Variants in FAAH2 observed in about 807,000 individuals in gnomAD.
FAAH2 encodes the protein fatty-acid amide hydrolase 2.
A neutral mutation model predicts 36.9 loss-of-function variants in FAAH2; 60 were observed. The observed-to-expected ratio is 1.63, with a 90% CI of 1.32 to 2.02. The LOEUF (loss-of-function observed/expected upper bound fraction) is 2.02, where lower values mean the gene tolerates loss of function less well. Among genes scored for constraint, FAAH2 ranks in the 30% most tolerant of loss-of-function variants. The pLI, the probability that FAAH2 is intolerant of heterozygous loss-of-function variation, is 0.00. For missense variants in FAAH2, 689 were observed against 397.5 expected, an observed-to-expected ratio of 1.73 and a Z score of -6.23; for synonymous variants, 214 against 143.8, an observed-to-expected ratio of 1.49 and a Z score of -3.49.
the FAAH2 span, among the ~76,000 whole-genome samples, chrX:57,219,440 C>G: frequency 1.8e-5 from 2 of 111,853 alleles, no homozygotes; most frequent in Non-Finnish European, 3.8e-5. Flanking sequence ...AGCCTCCAGT[C>G]GCCTCTCTGT....
intron 7 of FAAH2, among the ~76,000 whole-genome samples, chrX:57,403,221 A>G (rs2055482488): frequency 8.9e-6 from 1 of 111,974 alleles, no homozygotes; most frequent in Non-Finnish European, 1.9e-5. Flanking sequence ...AAACATAGGG[A>G]CGCCAGCACC....
At chrX:57,322,650 C>T (rs1241314976) in intron 3 of FAAH2, among the ~76,000 whole-genome samples, 1 of 110,689 alleles carries the variant, frequency 9.0e-6, no homozygotes, top group South Asian at 3.8e-4. Context: ...GTTCTAGATT[C>T]GGTCTCTTTA....
At chrX:57,288,338 C>CTTTTTTTTTTTTTTTTTTTTTT (rs771871081) in intron 1 of FAAH2, among the ~76,000 whole-genome samples, 1 of 40,349 alleles carries the variant, frequency 2.5e-5, no homozygotes, top group African/African-American at 1.4e-4. Flanking sequence ...AAAAACATTT[C>CTTTTTTTTTTTTTTTTTTTTTT]TTTTTTTTTT....
At chrX:57,406,210 G>T (rs140581291) in intron 7 of FAAH2, among the ~76,000 whole-genome samples, 37 of 112,001 alleles carry the variant, frequency 3.3e-4, no homozygotes, top group Non-Finnish European at 5.5e-4. Context: ...GAGTTCTTTG[G>T]CTATATATAA....
intron 7 of FAAH2, among the ~76,000 whole-genome samples, chrX:57,383,779 T>C (rs764202896): frequency 8.9e-5 from 10 of 112,036 alleles, no homozygotes; most frequent in South Asian, 3.7e-4. Flanking sequence ...ATGCCATCCC[T>C]ATCAAGCTAC....
At chrX:57,329,936 C>T (rs1018923674) in intron 3 of FAAH2, among the ~76,000 whole-genome samples, 20 of 112,087 alleles carry the variant, frequency 1.8e-4, no homozygotes, top group African/African-American at 5.8e-4. Flanking sequence ...AATCAATACC[C>T]TTATGATTTC....
At chrX:57,485,015 T>C (rs2057448604) in intron 10 of FAAH2, among the ~76,000 whole-genome samples, 1 of 111,380 alleles carries the variant, frequency 9.0e-6, no homozygotes, top group Admixed American at 9.5e-5. Context: ...AACTGGCCTG[T>C]GGTTATTGGG....
chrX:57,417,824 G>A (rs1341371391), intron 7 of FAAH2, among the ~76,000 whole-genome samples: 3 of 111,880 alleles, frequency 2.7e-5, no homozygotes, highest in Admixed American at 1.9e-4. Context: ...CTGAAGCTGG[G>A]CCCACAGCCG....
rs545820442 is a variant in FAAH2, at chrX:57,440,809, G to A, written c.1117-6119G>A. 1.2e-4 allele frequency among the ~76,000 whole-genome samples: 13 copies of A among 111,727 alleles called. No individual in the cohort carries two copies. The South Asian group carries it at 4.8e-3, about 42-fold the overall frequency. On this transcript the variant is annotated intron_variant, in intron 8 of 10. Coordinates refer to ENST00000374900, the MANE Select transcript of FAAH2 (RefSeq NM_174912.4). The stretch of plus-strand genomic sequence containing the variant: ...CTACTTTATGGAGGGTTTTTAGCAT[G>A]AAGGGCTGTTGAATTTTGTCAATGG...
At chrX:57,200,277 TG>T in the FAAH2 span, among the ~76,000 whole-genome samples, 2 of 110,691 alleles carry the variant, frequency 1.8e-5, no homozygotes, top group East Asian at 5.6e-4. Flanking sequence ...ACAATAGGCT[TG>T]CAAATAATGT....
chrX:57,430,369 G>T (rs2056265931), intron 7 of FAAH2, among the ~76,000 whole-genome samples: 1 of 111,159 alleles, frequency 9.0e-6, no homozygotes, highest in Admixed American at 9.6e-5. Flanking sequence ...TTTGGGGAAA[G>T]CTGTGAGAAA....
At chrX:57,207,785 G>C in the FAAH2 span, among the ~76,000 whole-genome samples, 1 of 112,583 alleles carries the variant, frequency 8.9e-6, no homozygotes, top group Non-Finnish European at 1.9e-5. Flanking sequence ...ACAGACCCAT[G>C]TTGGAACTTT....
At chrX:57,175,258 G>A in the FAAH2 span, among the ~76,000 whole-genome samples, 1 of 111,546 alleles carries the variant, frequency 9.0e-6, no homozygotes, top group Non-Finnish European at 1.9e-5. Context: ...GAGCTCCAGA[G>A]TTAGGTGCAT....
chrX:57,155,086 G>A, the FAAH2 span, among the ~76,000 whole-genome samples: 212 of 111,983 alleles, frequency 1.9e-3, 1 homozygote, highest in African/African-American at 6.5e-3. Context: ...TGTGGGGATG[G>A]CAGGAGAGTT....
Position 57,370,621 on chromosome X carries a change from A to G in FAAH2, c.743-8030A>G, listed in dbSNP as rs184420844. 5.7e-3 allele frequency among the ~76,000 whole-genome samples: 626 copies of G among 110,198 alleles called. 5 individuals carry two copies. The highest frequency in any genetic ancestry group is 0.02 in the African/African-American group (605 of 30,307). ...CTATACTCTAGACCAGGGGTCCCCA[A>G]CCCCCAGGCCATGGACCAGTACCAG... On this transcript the variant is annotated intron_variant, in intron 5 of 10. Coordinates refer to ENST00000374900, the MANE Select transcript of FAAH2 (RefSeq NM_174912.4).
At chrX:57,305,180 C>G (rs1182625958) in intron 2 of FAAH2, among the ~76,000 whole-genome samples, 3 of 110,440 alleles carry the variant, frequency 2.7e-5, no homozygotes, top group Non-Finnish European at 5.7e-5. Context: ...GGAACTTTGT[C>G]TGCAGCCCAG....
the FAAH2 span, among the ~76,000 whole-genome samples, chrX:57,247,703 A>G: frequency 8.9e-6 from 1 of 112,320 alleles, no homozygotes. Context: ...AAAGACCAGG[A>G]CAAGTGACTT....
chrX:57,300,676 T>C (rs912016453), intron 2 of FAAH2, among the ~76,000 whole-genome samples: 3 of 111,490 alleles, frequency 2.7e-5, no homozygotes, highest in African/African-American at 9.8e-5. Context: ...ACAGGCAACC[T>C]ACAAAATGGG....
At chrX:57,461,117 T>G (rs774984764) in intron 10 of FAAH2, among the ~76,000 whole-genome samples, 55 of 101,692 alleles carry the variant, frequency 5.4e-4, no homozygotes, top group Non-Finnish European at 1.6e-4. Context: ...TAAACATACA[T>G]GCACCCAATA....
Sources: gnomAD v4.1 joint callset for allele counts (sites outside exome capture counted in the v4.1 genomes callset) on GRCh38, gnomAD v4.1.1 for gene constraint, MANE v1.5 for transcripts, NCBI Gene and HGNC (gene_info 2026-07-23, HGNC 2026-07-21) for gene names.